Variants in MARCHF7 observed in about 807,000 individuals in gnomAD.
MARCHF7 encodes the protein E3 ubiquitin-protein ligase MARCHF7.
MARCHF7 carries 20 observed loss-of-function variants against 76.5 expected under a neutral mutation model. That is an observed-to-expected ratio of 0.26 (90% CI 0.18 to 0.38). The LOEUF is 0.38. Among genes scored for constraint, MARCHF7 ranks in the 10% least tolerant of loss-of-function variants. MARCHF7 has a pLI of 1.00. For missense variants in MARCHF7, 797 were observed against 812.9 expected (o/e 0.98, Z 0.24); for synonymous variants, 295 against 293.0 (o/e 1.01, Z -0.07).
chr2:159,759,288 G>A lies in MARCHF7; in HGVS notation c.1846G>A (p.Glu616Lys), dbSNP rs1451130857. ...TAAAGAGAAGTTGGAGCTTAACCTG[G>A]AGGATTTTGATATTCATGAACTACA... Reference protein sequence around the residue: ...LCKEKLELNLEDFDIHELHRA... With the variant: ...LCKEKLELNLKDFDIHELHRA... Residue 616 changes from glutamate to lysine, a missense_variant, in exon 9 of 12, where the codon GAG (glutamate) becomes AAG (lysine). Glu to Lys is a moderately conservative substitution (Grantham distance 56, BLOSUM62 1). Around this residue, in one of 3 missense-constraint regions of MARCHF7, gnomAD observed 124 missense variants for 121.3 expected, o/e 1.02. Transcript: ENST00000409175. The A allele has an allele frequency of 2.7e-5, 43 of 1,612,314 alleles. No homozygotes were observed. The highest frequency in any genetic ancestry group is 3.5e-5 in the Non-Finnish European group (41 of 1,178,866).
Position 159,764,634 on chromosome 2 carries a change from C to A in MARCHF7, c.2016C>A (p.Asn672Lys). 6.3e-7 allele frequency: 1 copy of A among 1,598,590 alleles called. No individual in the cohort carries two copies. Among genetic ancestry groups the A allele is most frequent in the Non-Finnish European group, 8.5e-7 (1 of 1,172,556 alleles). The change falls in exon 11 of 12, where the codon AAC becomes AAA. Residue 672 changes from asparagine (N) to lysine (K), a missense_variant. Asn to Lys is a moderately conservative substitution (Grantham distance 94). Transcript: ENST00000409175. Reference sequence around the variant, plus strand: ...TTCTGCATTGTTTCTAGTTTATTAACCTTGCAAGAACTCTTCAGGCACATA... The same window carrying A: ...TTCTGCATTGTTTCTAGTTTATTAAACTTGCAAGAACTCTTCAGGCACATA... The part of the protein sequence containing the change: ...NEPSTRVRFI[N>K]LARTLQAHME...
chr2:159,740,869 A>G (rs767153544), intron 4 of MARCHF7, among the ~76,000 whole-genome samples: 1 of 152,156 alleles, frequency 6.6e-6, no homozygotes, highest in Non-Finnish European at 1.5e-5. Context: ...AATGCAGGCA[A>G]TATGTTTCTC....
At chr2:159,729,243 G>T in intron 4 of MARCHF7, 68 bp downstream of exon 4, 1 of 1,151,754 alleles carries the variant, frequency 8.7e-7, no homozygotes, top group Admixed American at 3.0e-5. Context: ...TCTTTTGGGG[G>T]TATTTAAAAA....
In MARCHF7 at chr2:159,768,367, A is replaced by G. The variant is rs1708006876; in HGVS notation, c.*1025A>G. 1 of 152,596 alleles carries G rather than the reference A, an allele frequency of 6.6e-6. No individual in the cohort carries two copies. Among genetic ancestry groups the G allele is most frequent in the Non-Finnish European group, 1.5e-5 (1 of 68,004 alleles). The allele number at this position is 152,596 out of a possible 1,614,324, so 9.5% of individuals were successfully genotyped here. A position where few individuals can be genotyped will look rare whatever the true frequency, so the allele number is the denominator to read the frequency against. On this transcript the variant is annotated 3_prime_UTR_variant, in exon 12 of 12. Transcript: ENST00000409175. ...TACTGTGTGGTCATGAGTTGTGTAT[A>G]CTTCCATAACACTGTATTTTTCTTC...
Position 159,769,519 on chromosome 2 carries a change from C to T in MARCHF7, c.*2177C>T, listed in dbSNP as rs1708064978. On this transcript the variant is annotated 3_prime_UTR_variant, in exon 12 of 12. Coordinates refer to ENST00000409175, the MANE Select transcript of MARCHF7 (RefSeq NM_001282805.2). ...GTTAGCTGGGTGTGGTGACAGATGTCTGTGGTCCCAGCTACTAAGGAGGCT... is the reference window on the plus strand; with the variant it reads ...GTTAGCTGGGTGTGGTGACAGATGTTTGTGGTCCCAGCTACTAAGGAGGCT... 1 of 152,178 alleles carries T rather than the reference C, an allele frequency of 6.6e-6. No homozygotes were observed. The highest frequency in any genetic ancestry group is 2.1e-4 in the South Asian group (1 of 4,826). The allele number at this position is 152,178 out of a possible 1,614,324, so 9.4% of individuals were successfully genotyped here.
intron 9 of MARCHF7, among the ~76,000 whole-genome samples, chr2:159,761,566 C>T (rs1574442704): frequency 1.3e-5 from 2 of 151,196 alleles, no homozygotes; most frequent in African/African-American, 4.9e-5. Flanking sequence ...AGGTTCCTGC[C>T]ACCACACCCA....
chr2:159,737,306 G>A (rs1192230335), intron 4 of MARCHF7, among the ~76,000 whole-genome samples: 1 of 152,164 alleles, frequency 6.6e-6, no homozygotes, highest in Non-Finnish European at 1.5e-5. Context: ...CAGAATATAT[G>A]AAGAACTCTT....
intron 4 of MARCHF7, among the ~76,000 whole-genome samples, chr2:159,736,704 C>T (rs936508990): frequency 1.3e-5 from 2 of 152,066 alleles, no homozygotes; most frequent in Admixed American, 6.6e-5. Context: ...CAGTAAACCT[C>T]TTGTTGGAAA....
intron 11 of MARCHF7, among the ~76,000 whole-genome samples, chr2:159,766,889 C>T (rs1707840583): frequency 6.6e-6 from 1 of 152,140 alleles, no homozygotes; most frequent in Non-Finnish European, 1.5e-5. Flanking sequence ...ACCAAACATG[C>T]AGCGGTAATA....
Position 159,741,156 on chromosome 2 carries a change from T to C in MARCHF7, c.154-1905T>C, listed in dbSNP as rs575207202. Among the ~76,000 whole-genome samples the C allele has an allele frequency of 2.6e-5, 4 of 152,316 alleles. No homozygotes were observed. In the East Asian group the frequency reaches 7.7e-4, roughly 29 times the overall value. On this transcript the variant is annotated intron_variant, in intron 4 of 11. Coordinates refer to ENST00000409175, the MANE Select transcript of MARCHF7 (RefSeq NM_001282805.2). ...TTGAGATGCTAAGGCAGAGGATTGT[T>C]TGAGCCCAGGAATTCAAGACCAGCT...
At chr2:159,747,449 G>A (rs1574365251) in intron 6 of MARCHF7, among the ~76,000 whole-genome samples, 1 of 151,428 alleles carries the variant, frequency 6.6e-6, no homozygotes, top group South Asian at 2.1e-4. Context: ...GTATTATTTG[G>A]CCTGTTCAAA....
At chr2:159,743,847 A>G (rs1056200102) in intron 5 of MARCHF7, among the ~76,000 whole-genome samples, 3 of 151,868 alleles carry the variant, frequency 2.0e-5, no homozygotes, top group Non-Finnish European at 4.4e-5. Context: ...GTTTGAGGTT[A>G]TGGTGAGCTA....
intron 8 of MARCHF7, among the ~76,000 whole-genome samples, chr2:159,756,668 CAA>C (rs1285702702): frequency 9.8e-6 from 1 of 101,554 alleles, no homozygotes; most frequent in African/African-American, 3.9e-5. Flanking sequence ...GCCTGGGTGA[CAA>C]GAGTGACACT....
At position 159,740,013 on chromosome 2, in the gene MARCHF7, A is replaced by C. The variant is rs551023035; in HGVS notation, c.154-3048A>C. Among the ~76,000 whole-genome samples, 324 of 152,326 alleles carry C rather than the reference A, an allele frequency of 2.1e-3. 2 individuals are homozygous for C. Among genetic ancestry groups the C allele is most frequent in the Non-Finnish European group, 3.6e-3 (244 of 68,024 alleles). ...ATAATCAGTATTTTTAATGAATGGC[A>C]TAGTCATTTATTTCACCAGTAGACA... On this transcript the variant is annotated intron_variant, in intron 4 of 11. Coordinates refer to ENST00000409175, the MANE Select transcript of MARCHF7 (RefSeq NM_001282805.2).
At chr2:159,749,360 TG>T in intron 7 of MARCHF7, among the ~76,000 whole-genome samples, 1 of 151,910 alleles carries the variant, frequency 6.6e-6, no homozygotes, top group Non-Finnish European at 1.5e-5. Context: ...TTGTTGTTGT[TG>T]TTGTTGTTGA....
At chr2:159,737,713 A>G (rs1294171222) in intron 4 of MARCHF7, among the ~76,000 whole-genome samples, 1 of 152,178 alleles carries the variant, frequency 6.6e-6, no homozygotes, top group Non-Finnish European at 1.5e-5. Flanking sequence ...GCTTGGGCCC[A>G]GGAAGTCAAG....
intron 4 of MARCHF7, among the ~76,000 whole-genome samples, chr2:159,741,099 A>G (rs1223859686): frequency 2.0e-5 from 3 of 152,178 alleles, no homozygotes; most frequent in African/African-American, 7.2e-5. Context: ...GCCAGGCCAG[A>G]TGTGGTGGCT....
At chr2:159,754,907 G>GTGTAGTA (rs1469337870) in intron 8 of MARCHF7, among the ~76,000 whole-genome samples, 2 of 152,204 alleles carry the variant, frequency 1.3e-5, no homozygotes, top group Non-Finnish European at 2.9e-5. Flanking sequence ...GGATGTGGAT[G>GTGTAGTA]TGTAGTAGGA....
rs528931776 is a variant in MARCHF7, at chr2:159,770,554, G to A, written c.*3212G>A. 6.6e-6 allele frequency: 1 copy of A among 152,300 alleles called. No homozygotes were observed. The highest frequency in any genetic ancestry group is 1.5e-5 in the Non-Finnish European group (1 of 68,020). 9.4% of individuals were successfully genotyped at this position (152,300 alleles called of 1,614,324 possible). A position where few individuals can be genotyped will look rare whatever the true frequency, so the allele number is the denominator to read the frequency against. On this transcript the variant is annotated 3_prime_UTR_variant, in exon 12 of 12. Transcript: ENST00000409175. ...AAGAAAGTAAGATAATTGATGGGGT[G>A]TGGATTCAGAAGAGGGATTACTTTT...
Sources: gnomAD v4.1 joint callset for allele counts (sites outside exome capture counted in the v4.1 genomes callset) on GRCh38, gnomAD v4.1.1 for gene constraint, gnomAD v4.1.1 regional missense constraint, MANE v1.5 for transcripts, NCBI Gene and HGNC (gene_info 2026-07-23, HGNC 2026-07-21) for gene names.